CFTR: variants seen among roughly 807,000 people sequenced by gnomAD.
The protein encoded by CFTR is cystic fibrosis transmembrane conductance regulator.
Under a neutral mutation model 171.6 loss-of-function variants are expected in CFTR, and 181 were observed. The observed-to-expected ratio is 1.05, with a 90% confidence interval of 0.93 to 1.19. The LOEUF (loss-of-function observed/expected upper bound fraction) is 1.19, where lower values mean the gene tolerates loss of function less well. CFTR is among the 50% of genes most tolerant of loss of function. The probability of loss-of-function intolerance (pLI) is 0.00; values close to 1 mark genes in which losing one functional copy is unlikely to be tolerated. For synonymous variants in CFTR, 583 were observed against 608.0 expected (o/e 0.96, Z 0.60); for missense variants, 1,968 against 1,734.7 (o/e 1.13, Z -2.39).
At chr7:117,600,763 T>G (rs1792210819) in intron 15 of CFTR, among the ~76,000 whole-genome samples, 1 of 152,034 alleles carries the variant, frequency 6.6e-6, no homozygotes, top group South Asian at 2.1e-4. Flanking sequence ...AAAAATATTT[T>G]TCCTTTTTAC....
At chr7:117,632,461 A>T (rs1474691126) in intron 22 of CFTR, among the ~76,000 whole-genome samples, 1 of 151,594 alleles carries the variant, frequency 6.6e-6, no homozygotes, top group Admixed American at 6.6e-5. Context: ...TACTTAGGAG[A>T]CTGAGGCAGG....
intron 1 of CFTR, among the ~76,000 whole-genome samples, chr7:117,480,845 G>T (rs530785444): frequency 6.6e-6 from 1 of 152,272 alleles, no homozygotes; most frequent in Non-Finnish European, 1.5e-5. Flanking sequence ...ACAGAAGCTT[G>T]CAAACTTTAA....
At chr7:117,529,118 A>C (rs1206716361) in intron 3 of CFTR, among the ~76,000 whole-genome samples, 1 of 79,966 alleles carries the variant, frequency 1.3e-5, no homozygotes, top group Non-Finnish European at 2.1e-5. Flanking sequence ...AACCAACCCA[A>C]ATGTCCAACA....
At chr7:117,597,060 A>G (rs1782181919) in intron 15 of CFTR, among the ~76,000 whole-genome samples, 1 of 152,206 alleles carries the variant, frequency 6.6e-6, no homozygotes, top group Non-Finnish European at 1.5e-5. Flanking sequence ...AGAGAATAAA[A>G]GCAGGCTGCC....
chr7:117,580,939 T>C (rs1484221758), intron 11 of CFTR, among the ~76,000 whole-genome samples: 1 of 152,150 alleles, frequency 6.6e-6, no homozygotes, highest in Non-Finnish European at 1.5e-5. Flanking sequence ...AAACATATTC[T>C]AGTGGAAATT....
chr7:117,645,901 A>G (rs980981952), intron 23 of CFTR, among the ~76,000 whole-genome samples: 1 of 152,156 alleles, frequency 6.6e-6, no homozygotes, highest in Non-Finnish European at 1.5e-5. Context: ...AAAGAATGTA[A>G]TAGAAATGCT....
At chr7:117,648,710 G>A (rs1469550904) in intron 23 of CFTR, among the ~76,000 whole-genome samples, 1 of 152,040 alleles carries the variant, frequency 6.6e-6, no homozygotes, top group African/African-American at 2.4e-5. Context: ...AAAGGACTTG[G>A]GTGACCTCCA....
chr7:117,663,227 A>C (rs1793318144), intron 24 of CFTR, among the ~76,000 whole-genome samples: 1 of 152,204 alleles, frequency 6.6e-6, no homozygotes, highest in Non-Finnish European at 1.5e-5. Flanking sequence ...AGTTGAAGGC[A>C]CAAAGAAAGA....
chr7:117,564,987 T>C (rs1000676709), intron 11 of CFTR, among the ~76,000 whole-genome samples: 4 of 152,240 alleles, frequency 2.6e-5, no homozygotes, highest in African/African-American at 9.6e-5. Context: ...GTTCAGATTC[T>C]TCACCTTCAG....
intron 3 of CFTR, among the ~76,000 whole-genome samples, chr7:117,520,679 T>C (rs1353806191): frequency 6.6e-6 from 1 of 151,974 alleles, no homozygotes; most frequent in Non-Finnish European, 1.5e-5. Context: ...TATGATTTAA[T>C]ATCCAGTAAT....
At chr7:117,626,558 T>C (rs985399721) in intron 21 of CFTR, among the ~76,000 whole-genome samples, 6 of 152,116 alleles carry the variant, frequency 3.9e-5, no homozygotes, top group East Asian at 1.9e-4. Context: ...CTGGGAAGGA[T>C]TGAGCCACAG....
intron 3 of CFTR, among the ~76,000 whole-genome samples, chr7:117,514,654 A>G (rs1465509151): frequency 6.6e-6 from 1 of 152,156 alleles, no homozygotes; most frequent in Non-Finnish European, 1.5e-5. Flanking sequence ...AATGATTTAT[A>G]TTACTTTGGG....
At chr7:117,536,819 T>C (rs536919749) in intron 7 of CFTR, 146 bp downstream of exon 7, 5 of 721,898 alleles carry the variant, frequency 6.9e-6, no homozygotes, top group Non-Finnish European at 1.2e-5. Context: ...ATTCATGCAT[T>C]AGTTGCACAA....
chr7:117,549,318 AATAC>A (rs1799229016), intron 10 of CFTR, among the ~76,000 whole-genome samples: 1 of 152,298 alleles, frequency 6.6e-6, no homozygotes, highest in Admixed American at 6.5e-5. Context: ...TTTTTGAGGA[AATAC>A]ATAGGAATGT....
At chr7:117,506,536 A>G (rs1044935130) in intron 2 of CFTR, among the ~76,000 whole-genome samples, 3 of 152,174 alleles carry the variant, frequency 2.0e-5, no homozygotes, top group Admixed American at 1.3e-4. Flanking sequence ...GTGAGCCACT[A>G]TGCCCAGCTT....
intron 11 of CFTR, among the ~76,000 whole-genome samples, chr7:117,567,375 T>C (rs1343966232): frequency 2.0e-5 from 3 of 152,166 alleles, no homozygotes; most frequent in Non-Finnish European, 4.4e-5. Context: ...TAGAAAAATA[T>C]TCATGAAGAC....
intron 10 of CFTR, 51 bp from the exon 11 acceptor site, chr7:117,559,413 A>ATTGCC: frequency 8.4e-7 from 1 of 1,192,980 alleles, no homozygotes; most frequent in Non-Finnish European, 1.3e-6. Context: ...AGGCAAGTGA[A>ATTGCC]TCCTGAGCGT....
chr7:117,491,480 T>C (rs1193654596), intron 1 of CFTR, among the ~76,000 whole-genome samples: 3 of 152,078 alleles, frequency 2.0e-5, no homozygotes, highest in African/African-American at 7.2e-5. Flanking sequence ...TTTTGAAGAC[T>C]AGAAGTACAA....
intron 3 of CFTR, among the ~76,000 whole-genome samples, chr7:117,510,383 G>A (rs1798495366): frequency 6.6e-6 from 1 of 152,030 alleles, no homozygotes; most frequent in South Asian, 2.1e-4. Context: ...TTGAATCAGG[G>A]TATGGAGTAC....
Sources: allele counts gnomAD v4.1 joint callset (sites outside exome capture counted in the v4.1 genomes callset), GRCh38; gene constraint gnomAD v4.1.1; transcripts MANE v1.5; gene names NCBI Gene and HGNC (gene_info 2026-07-23, HGNC 2026-07-21).